OR9Q1: variants seen among roughly 807,000 people sequenced by gnomAD.
OR9Q1 encodes the protein olfactory receptor family 9 subfamily Q member 1, also known as olfactory receptor 9Q1.
For synonymous variants in OR9Q1, 153 were observed against 148.6 expected (o/e 1.03, Z -0.22); for missense variants, 374 against 378.8 (o/e 0.99, Z 0.11).
chr11:58,031,388 A>T, intron 1 of OR9Q1: 2 of 1,614,152 alleles, frequency 1.2e-6, no homozygotes, highest in Non-Finnish European at 1.7e-6. Context: ...GGGCACCTGC[A>T]TCCGTCTGGC....
chr11:58,073,518 T>A (rs1453900454), intron 2 of OR9Q1: 1 of 153,076 alleles, frequency 6.5e-6, no homozygotes, highest in Non-Finnish European at 1.5e-5. Context: ...TACGTTTCGT[T>A]ACATTTCTTG....
At chr11:58,046,992 T>G (rs1228437730) in intron 1 of OR9Q1, among the ~76,000 whole-genome samples, 1 of 152,242 alleles carries the variant, frequency 6.6e-6, no homozygotes, top group African/African-American at 2.4e-5. Context: ...ATTGCCTATT[T>G]CTTGACATAA....
chr11:58,073,002 C>A (rs905480710), intron 2 of OR9Q1: 7 of 209,156 alleles, frequency 3.3e-5, no homozygotes, highest in South Asian at 9.9e-5. Context: ...TTCATCTGGT[C>A]CTCTCCATTT....
chr11:58,127,842 T>G (rs1038421064), intron 2 of OR9Q1, among the ~76,000 whole-genome samples: 2 of 152,188 alleles, frequency 1.3e-5, no homozygotes, highest in African/African-American at 2.4e-5. Context: ...CTAATGAAGT[T>G]TGGACTTTTG....
intron 2 of OR9Q1, chr11:58,109,653 T>C: frequency 2.2e-6 from 1 of 454,062 alleles, no homozygotes; most frequent in Non-Finnish European, 4.4e-6. Flanking sequence ...TGAGATTTCT[T>C]TTGGCCATAG....
chr11:58,146,609 A>AT (rs1196862323), intron 2 of OR9Q1, among the ~76,000 whole-genome samples: 4 of 152,192 alleles, frequency 2.6e-5, no homozygotes, highest in African/African-American at 9.6e-5. Context: ...AATTTTTACA[A>AT]TTTTGCAAAG....
chr11:58,038,295 T>C (rs1342220721), intron 1 of OR9Q1, among the ~76,000 whole-genome samples: 1 of 152,214 alleles, frequency 6.6e-6, no homozygotes, highest in African/African-American at 2.4e-5. Flanking sequence ...TTAAAGCCAC[T>C]ACTAATGGCA....
In OR9Q1 at chr11:58,036,517, C is replaced by A. The variant is rs139171019; in HGVS notation, c.-93+12413C>A. Among the ~76,000 whole-genome samples the A allele has an allele frequency of 7.3e-4, 111 of 152,226 alleles. 1 individual carries two copies. In the East Asian group the frequency reaches 0.018, roughly 24 times the overall value. On this transcript the variant is annotated intron_variant, in intron 1 of 2. Transcript: ENST00000335397. ...CTATAGCTGCCATAGATAGTGATTT[C>A]TCTGATGGATCTGGACAAAGTAAAT...
At chr11:58,097,532 A>C (rs1853743544) in intron 2 of OR9Q1, among the ~76,000 whole-genome samples, 1 of 152,236 alleles carries the variant, frequency 6.6e-6, no homozygotes, top group African/African-American at 2.4e-5. Flanking sequence ...CATTTTGGAA[A>C]ATAGTTTGGC....
intron 2 of OR9Q1, among the ~76,000 whole-genome samples, chr11:58,178,558 A>G (rs987605470): frequency 5.3e-5 from 8 of 152,146 alleles, no homozygotes; most frequent in African/African-American, 1.9e-4. Flanking sequence ...AGGATTTGAT[A>G]TCAGGGAGGA....
intron 1 of OR9Q1, among the ~76,000 whole-genome samples, chr11:58,026,052 C>G (rs1470412525): frequency 6.6e-6 from 1 of 152,170 alleles, no homozygotes; most frequent in African/African-American, 2.4e-5. Flanking sequence ...TTTGTTCTAC[C>G]AGACACATTG....
chr11:58,179,244 T>C (rs1854636254), intron 2 of OR9Q1, among the ~76,000 whole-genome samples, 187 bp from the exon 3 acceptor site: 1 of 152,064 alleles, frequency 6.6e-6, no homozygotes, highest in South Asian at 2.1e-4. Flanking sequence ...CAGGCTGGTC[T>C]CGAACTCCTG....
intron 2 of OR9Q1, 110 bp from the exon 3 acceptor site, chr11:58,179,321 G>T: frequency 1.5e-6 from 1 of 674,068 alleles, no homozygotes; most frequent in Admixed American, 2.9e-5. Context: ...ACAGCACCTG[G>T]CACACCTGGC....
intron 2 of OR9Q1, chr11:58,117,222 C>G (rs969120815): frequency 1.3e-5 from 2 of 152,072 alleles, no homozygotes; most frequent in Non-Finnish European, 2.9e-5. Flanking sequence ...TTAATTTTTA[C>G]AATATCCTCT....
At chr11:58,174,270 C>T (rs1003191665) in intron 2 of OR9Q1, among the ~76,000 whole-genome samples, 1 of 152,048 alleles carries the variant, frequency 6.6e-6, no homozygotes, top group African/African-American at 2.4e-5. Context: ...GAGGCATATG[C>T]CCTGCATAGC....
intron 2 of OR9Q1, chr11:58,077,340 A>G (rs1853547030): frequency 6.6e-6 from 1 of 152,212 alleles, no homozygotes; most frequent in African/African-American, 2.4e-5. Context: ...AAGAAGTTTC[A>G]GCTAGAGTTA....
At chr11:58,031,294 T>G in intron 1 of OR9Q1, 1 of 1,614,124 alleles carries the variant, frequency 6.2e-7, no homozygotes, top group Non-Finnish European at 8.5e-7. Flanking sequence ...TTGGGGCAAC[T>G]GAGTGTTTCC....
chr11:58,087,231 C>T (rs938183632), intron 2 of OR9Q1, among the ~76,000 whole-genome samples: 1 of 151,604 alleles, frequency 6.6e-6, no homozygotes, highest in Admixed American at 6.6e-5. Context: ...TGAATTTTTA[C>T]AAATTTAATG....
At chr11:58,087,539 A>G (rs1042660842) in intron 2 of OR9Q1, among the ~76,000 whole-genome samples, 1 of 151,882 alleles carries the variant, frequency 6.6e-6, no homozygotes, top group Non-Finnish European at 1.5e-5. Flanking sequence ...GAAACGAAGG[A>G]TATTCTTCTT....
Sources: gnomAD v4.1 joint callset for allele counts (sites outside exome capture counted in the v4.1 genomes callset) on GRCh38, gnomAD v4.1.1 for gene constraint, MANE v1.5 for transcripts, NCBI Gene and HGNC (gene_info 2026-07-23, HGNC 2026-07-21) for gene names.